The following ENTREP3 variants were observed in gnomAD, a reference collection of about 807,000 sequenced individuals.
ENTREP3 encodes endosomal transmembrane epsin interactor 3.
the ENTREP3 span, chr1:155,252,940 C>CAT: frequency 1.4e-5 from 2 of 147,666 alleles, no homozygotes; most frequent in South Asian, 2.2e-4. Flanking sequence ...TGGAGTCTTG[C>CAT]TCTGTCGCCC....
chr1:155,254,327 T>C, the ENTREP3 span: 1 of 1,564,886 alleles, frequency 6.4e-7, no homozygotes, highest in African/African-American at 1.4e-5. The surrounding 1 kb of genome is among the most constrained non-coding windows in gnomAD (Gnocchi z 4.4). Flanking sequence ...GTTCCCTTCT[T>C]GAGGACATAA....
At chr1:155,253,599 T>A in the ENTREP3 span, 12 of 1,544,710 alleles carry the variant, frequency 7.8e-6, no homozygotes, top group Non-Finnish European at 1.1e-5. Flanking sequence ...CATACCTGCG[T>A]GCCCTGGCCC....
the ENTREP3 span, chr1:155,254,996 C>G: frequency 1.3e-6 from 1 of 792,288 alleles, no homozygotes; most frequent in Non-Finnish European, 2.0e-6. This position sits in a 1 kb window ranked among gnomAD's most constrained non-coding sequence, Gnocchi z 4.4. Flanking sequence ...AGCCCACCCC[C>G]TGGCTGGGTC....
At chr1:155,251,080 T>C in the ENTREP3 span, 1 of 1,607,828 alleles carries the variant, frequency 6.2e-7, no homozygotes, top group South Asian at 1.1e-5. Context: ...CCACCCCTCA[T>C]TACGCCCTGC....
At chr1:155,251,137 C>G in the ENTREP3 span, 23 of 1,611,916 alleles carry the variant, frequency 1.4e-5, no homozygotes, top group Non-Finnish European at 2.0e-5. Context: ...CACGAGCCAT[C>G]GTGAAGCTGA....
the ENTREP3 span, chr1:155,251,954 C>A: frequency 7.6e-7 from 1 of 1,315,226 alleles, no homozygotes; most frequent in Non-Finnish European, 1.0e-6. Context: ...GGGAATACAG[C>A]TCCTCCTGGG....
At chr1:155,252,157 CTG>C in the ENTREP3 span, 1 of 429,036 alleles carries the variant, frequency 2.3e-6, no homozygotes, top group Non-Finnish European at 4.0e-6. Flanking sequence ...TCCACACATT[CTG>C]TGTCTTCACA....
At chr1:155,255,037 T>TC in the ENTREP3 span, 1 of 614,938 alleles carries the variant, frequency 1.6e-6, no homozygotes, top group African/African-American at 1.9e-5. The surrounding 1 kb of genome is among the most constrained non-coding windows in gnomAD (Gnocchi z 5.6). Context: ...ACGCCAGCTG[T>TC]GGGGGGGGCC....
chr1:155,252,325 G>A, the ENTREP3 span, among the ~76,000 whole-genome samples: 1 of 151,880 alleles, frequency 6.6e-6, no homozygotes, highest in African/African-American at 2.4e-5. Context: ...ATCCTCCTGA[G>A]TAGCTGGAAT....
chr1:155,255,143 G>A, the ENTREP3 span: 12 of 576,260 alleles, frequency 2.1e-5, no homozygotes, highest in Non-Finnish European at 1.6e-5. This position sits in a 1 kb window ranked among gnomAD's most constrained non-coding sequence, Gnocchi z 5.6. Context: ...GGACGCGGGG[G>A]CACCGGCTCA....
the ENTREP3 span, chr1:155,247,803 GC>G: frequency 1.4e-6 from 2 of 1,465,456 alleles, no homozygotes; most frequent in Non-Finnish European, 1.8e-6. Flanking sequence ...TCTCCCGGCT[GC>G]CCCCGTTGAG....
chr1:155,248,796 C>T, the ENTREP3 span, among the ~76,000 whole-genome samples: 1 of 151,846 alleles, frequency 6.6e-6, no homozygotes, highest in Non-Finnish European at 1.5e-5. Context: ...CTCACTGCAA[C>T]CTCCGCCTCC....
At chr1:155,253,201 G>A in the ENTREP3 span, 1 of 163,474 alleles carries the variant, frequency 6.1e-6, no homozygotes, top group Non-Finnish European at 1.3e-5. Context: ...GAGCCACTGC[G>A]CCCGGCCCGA....
chr1:155,247,770 A>G, the ENTREP3 span: 1 of 1,458,926 alleles, frequency 6.9e-7, no homozygotes, highest in African/African-American at 1.4e-5. Context: ...TCAGTGTGAC[A>G]AGAAGCCTAG....
the ENTREP3 span, chr1:155,252,798 C>T: frequency 7.6e-6 from 1 of 131,546 alleles, no homozygotes; most frequent in African/African-American, 2.9e-5. Context: ...GTGGCACCAT[C>T]TCAGCTCACT....
the ENTREP3 span, chr1:155,250,209 A>T: frequency 4.3e-6 from 6 of 1,404,464 alleles, no homozygotes; most frequent in Non-Finnish European, 5.7e-6. The surrounding 1 kb of genome is among the most constrained non-coding windows in gnomAD (Gnocchi z 5.4). Context: ...CCTGGTGGGC[A>T]TCACTGGCCA....
At chr1:155,248,336 G>A in the ENTREP3 span, 3 of 1,613,728 alleles carry the variant, frequency 1.9e-6, no homozygotes, top group Non-Finnish European at 2.5e-6. Context: ...GAATGGTATT[G>A]TAGGGTGGAG....
At chr1:155,250,508 C>T in the ENTREP3 span, 2 of 1,508,678 alleles carry the variant, frequency 1.3e-6, no homozygotes, top group South Asian at 1.3e-5. The surrounding 1 kb of genome is among the most constrained non-coding windows in gnomAD (Gnocchi z 5.4). Flanking sequence ...GCGGCCAGCC[C>T]TCCAACCGGT....
At chr1:155,252,210 CTT>C in the ENTREP3 span, 378 of 265,898 alleles carry the variant, frequency 1.4e-3, no homozygotes, top group East Asian at 6.8e-3. Flanking sequence ...CTAGGACCTT[CTT>C]TTTTTTTTTG....
Sources: gnomAD v4.1 joint callset for allele counts (sites outside exome capture counted in the v4.1 genomes callset) on GRCh38, gnomAD v4.1.1 for gene constraint, Gnocchi (gnomAD v3.1) non-coding constraint, MANE v1.5 for transcripts, NCBI Gene and HGNC (gene_info 2026-07-23, HGNC 2026-07-21) for gene names.